Variants in GRK7 observed in about 807,000 individuals in gnomAD.
GRK7 encodes rhodopsin kinase GRK7.
GRK7 carries 24 observed loss-of-function variants against 34.1 expected under a neutral mutation model. The observed-to-expected ratio is 0.70, with a 90% confidence interval of 0.51 to 0.99. The LOEUF (loss-of-function observed/expected upper bound fraction) is 0.99. Ranked by LOEUF, GRK7 falls within the 50% of genes least tolerant of loss-of-function variation. GRK7 has a pLI of 0.00. For missense variants in GRK7, 644 were observed against 707.3 expected (o/e 0.91, Z 1.02); for synonymous variants, 256 against 279.4 (o/e 0.92, Z 0.84).
At chr3:141,814,821 C>T (rs1352229920) in intron 5 of GRK7, among the ~76,000 whole-genome samples, 2 of 151,926 alleles carry the variant, frequency 1.3e-5, no homozygotes, top group African/African-American at 4.8e-5. Context: ...AATGGCTGAA[C>T]TAATTTACCT....
intron 3 of GRK7, among the ~76,000 whole-genome samples, 158 bp from the exon 4 acceptor site, chr3:141,780,216 A>G (rs2084664910): frequency 6.6e-6 from 1 of 152,114 alleles, no homozygotes. Flanking sequence ...GGAGTATCGC[A>G]CTGTAGTCCC....
chr3:141,785,456 TA>T (rs144957036), intron 4 of GRK7, among the ~76,000 whole-genome samples: 2 of 151,936 alleles, frequency 1.3e-5, no homozygotes, highest in East Asian at 1.9e-4. Flanking sequence ...CCCCATCTCT[TA>T]AAAAAAATTT....
In GRK7 at chr3:141,783,359, T is replaced by C. The variant is rs180892423; in HGVS notation, c.1050+2548T>C. On this transcript the variant is annotated intron_variant, in intron 4 of 5. Transcript: ENST00000682958. ...GCTGAGGAGAAGATCACCCGGCTCA[T>C]GTCCAGGCCATGTGTGCCCACGTTG... Among the ~76,000 whole-genome samples, 33 of 152,362 alleles carry C rather than the reference T, an allele frequency of 2.2e-4. No individual in the cohort carries two copies. The Middle Eastern group carries it at 0.01, about 47-fold the overall frequency.
chr3:141,815,762 A>G (rs1358305456), intron 5 of GRK7, among the ~76,000 whole-genome samples: 2 of 150,068 alleles, frequency 1.3e-5, no homozygotes, highest in African/African-American at 4.9e-5. Flanking sequence ...GCCAGCTGCA[A>G]TGTTTCAAGA....
chr3:141,798,502 C>T (rs1022063615), intron 4 of GRK7, among the ~76,000 whole-genome samples: 4 of 152,162 alleles, frequency 2.6e-5, no homozygotes, highest in African/African-American at 4.8e-5. Context: ...TGCTGATACT[C>T]GGGCAATCCC....
Position 141,778,102 on chromosome 3 carries a change from C to T in GRK7, c.-113-70C>T. On this transcript the variant is annotated intron_variant, in intron 2 of 5. Coordinates refer to ENST00000682958, the MANE Select transcript of GRK7 (RefSeq NM_139209.3). The surrounding 1 kb of genome is among the most constrained non-coding windows in gnomAD (Gnocchi z 4.1). ...CCTATCGTGTGCAGTTCCTGGCGGG[C>T]TATACATAGCCAGTCAAAGCTTCTT... is the stretch of plus-strand genomic sequence containing the variant. The T allele has an allele frequency of 4.4e-6, 3 of 687,248 alleles. No individual in the cohort carries two copies. Among genetic ancestry groups the T allele is most frequent in the Middle Eastern group, 8.1e-4 (2 of 2,466 alleles). 42.6% of individuals were successfully genotyped at this position (687,248 alleles called of 1,614,324 possible).
At chr3:141,779,913 C>T (rs1434840146) in intron 3 of GRK7, among the ~76,000 whole-genome samples, 1 of 152,238 alleles carries the variant, frequency 6.6e-6, no homozygotes, top group Non-Finnish European at 1.5e-5. Context: ...TGTAGCCATT[C>T]ATCTGTTGAT....
At chr3:141,812,168 C>T (rs1711099257) in intron 5 of GRK7, among the ~76,000 whole-genome samples, 1 of 152,110 alleles carries the variant, frequency 6.6e-6, no homozygotes, top group South Asian at 2.1e-4. Flanking sequence ...TAAGAAAATC[C>T]ATTGTAATCT....
At chr3:141,768,822 C>T (rs2107871574) in intron 1 of GRK7, among the ~76,000 whole-genome samples, 1 of 152,256 alleles carries the variant, frequency 6.6e-6, no homozygotes, top group South Asian at 2.1e-4. Flanking sequence ...AGCCTCTCAG[C>T]AGCATTCGAT....
chr3:141,803,165 G>A (rs979442162), intron 4 of GRK7, among the ~76,000 whole-genome samples: 2 of 151,306 alleles, frequency 1.3e-5, no homozygotes, highest in Non-Finnish European at 2.9e-5. Flanking sequence ...AGTGGCTCAC[G>A]CCTGTAATCC....
intron 4 of GRK7, among the ~76,000 whole-genome samples, chr3:141,788,914 A>G (rs933644917): frequency 6.6e-6 from 1 of 152,014 alleles, no homozygotes; most frequent in Non-Finnish European, 1.5e-5. Flanking sequence ...GCTCACTGAA[A>G]CCTCTACCTC....
At chr3:141,802,119 A>G (rs1710974908) in intron 4 of GRK7, among the ~76,000 whole-genome samples, 2 of 152,198 alleles carry the variant, frequency 1.3e-5, no homozygotes, top group African/African-American at 4.8e-5. Flanking sequence ...CTGTAATCCC[A>G]GCACTTTGAG....
chr3:141,792,431 A>G (rs1200082824), intron 4 of GRK7, among the ~76,000 whole-genome samples: 2 of 152,032 alleles, frequency 1.3e-5, no homozygotes, highest in Non-Finnish European at 2.9e-5. Context: ...GGAACTTAAT[A>G]ATCATTCAAA....
intron 5 of GRK7, among the ~76,000 whole-genome samples, chr3:141,813,373 C>T (rs978771514): frequency 2.1e-4 from 32 of 152,188 alleles, no homozygotes; most frequent in African/African-American, 7.0e-4. Context: ...GAGATCCACC[C>T]GCTTTGGCCT....
chr3:141,779,871 A>G (rs2084662503), intron 3 of GRK7, among the ~76,000 whole-genome samples: 1 of 152,230 alleles, frequency 6.6e-6, no homozygotes, highest in Non-Finnish European at 1.5e-5. Context: ...ATGGCTGTAT[A>G]ATATTCCATT....
chr3:141,766,190 G>A (rs1304213307), intron 1 of GRK7, among the ~76,000 whole-genome samples: 4 of 150,536 alleles, frequency 2.7e-5, no homozygotes, highest in Non-Finnish European at 4.4e-5. Flanking sequence ...TTGAGATGGA[G>A]TCTCACTCTG....
chr3:141,781,664 C>T (rs1345232812), intron 4 of GRK7, among the ~76,000 whole-genome samples: 1 of 151,784 alleles, frequency 6.6e-6, no homozygotes, highest in African/African-American at 2.4e-5. Flanking sequence ...GTGGAATGGG[C>T]GAATGTTTTG....
At chr3:141,784,409 C>G (rs1321814647) in intron 4 of GRK7, among the ~76,000 whole-genome samples, 20 of 152,162 alleles carry the variant, frequency 1.3e-4, no homozygotes, top group Admixed American at 1.3e-3. Context: ...CCGGGCCTGC[C>G]ACGGAAGCCC....
At chr3:141,777,895 A>G (rs972455356) in intron 2 of GRK7, among the ~76,000 whole-genome samples, 2 of 152,164 alleles carry the variant, frequency 1.3e-5, no homozygotes, top group Admixed American at 6.5e-5. Context: ...GAAACAGATT[A>G]AACTACTGCA....
Sources: gnomAD v4.1 joint callset for allele counts (sites outside exome capture counted in the v4.1 genomes callset) on GRCh38, gnomAD v4.1.1 for gene constraint, Gnocchi (gnomAD v3.1) non-coding constraint, MANE v1.5 for transcripts, NCBI Gene and HGNC (gene_info 2026-07-23, HGNC 2026-07-21) for gene names.